CSMD2: variants seen among roughly 807,000 people sequenced by gnomAD.
The protein encoded by CSMD2 is CUB and Sushi multiple domains 2.
In CSMD2, 130 loss-of-function variants were observed where a neutral mutation model predicts 398.5. The observed-to-expected ratio is 0.33, with a 90% CI of 0.28 to 0.38. The LOEUF is 0.38. Ranked by LOEUF, CSMD2 falls within the 10% of genes least tolerant of loss-of-function variation. The probability of loss-of-function intolerance (pLI) is 1.00; values close to 1 mark genes in which losing one functional copy is unlikely to be tolerated. For missense variants in CSMD2, 3,829 were observed against 4,764.9 expected (o/e 0.80, Z 5.78); for synonymous variants, 1,828 against 1,908.5 (o/e 0.96, Z 1.10).
rs536733332 is a variant in CSMD2, at chr1:33,949,329, G to A, written c.518-13375C>T. On this transcript the variant is annotated intron_variant, in intron 3 of 70. Transcript: ENST00000373381. ...GCTGGAGCTGAAAAAGAGAGAAGCC[G>A]GGTACAGTGGCTGGGGAGGGCAGAT... Among the ~76,000 whole-genome samples, 26 of 152,306 alleles carry A rather than the reference G, an allele frequency of 1.7e-4. 1 individual carries two copies. The highest frequency in any genetic ancestry group is 5.1e-4 in the African/African-American group (21 of 41,568).
chr1:34,116,904 G>T (rs1029717712), intron 1 of CSMD2, among the ~76,000 whole-genome samples: 6 of 151,864 alleles, frequency 4.0e-5, no homozygotes, highest in Admixed American at 1.3e-4. Flanking sequence ...ATGGGTCAAA[G>T]AAAAAATCAC....
At chr1:33,991,574 G>A (rs997344862) in intron 3 of CSMD2, among the ~76,000 whole-genome samples, 3 of 152,132 alleles carry the variant, frequency 2.0e-5, no homozygotes, top group African/African-American at 2.4e-5. Context: ...CAGGATCAAA[G>A]TCAGCTTACT....
chr1:33,655,005 G>A (rs1395458892), intron 27 of CSMD2, among the ~76,000 whole-genome samples: 1 of 152,376 alleles, frequency 6.6e-6, no homozygotes, highest in South Asian at 2.1e-4. Context: ...TTCCCTGGCT[G>A]CTGCCAGTTG....
intron 3 of CSMD2, among the ~76,000 whole-genome samples, chr1:34,023,212 T>C (rs1361219634): frequency 2.6e-5 from 4 of 152,178 alleles, no homozygotes; most frequent in African/African-American, 9.6e-5. Flanking sequence ...CTCCCAAGCA[T>C]CCAATGAATC....
At chr1:33,864,731 G>C in intron 5 of CSMD2, 1 of 1,610,858 alleles carries the variant, frequency 6.2e-7, no homozygotes, top group African/African-American at 1.3e-5. Context: ...GGTGCAGAGG[G>C]AAAAGAGTCA....
At chr1:34,118,516 C>T (rs1368591341) in intron 1 of CSMD2, among the ~76,000 whole-genome samples, 2 of 152,180 alleles carry the variant, frequency 1.3e-5, no homozygotes, top group Non-Finnish European at 2.9e-5. Context: ...TCCACACGTA[C>T]ATACAAAACT....
At chr1:33,936,880 A>C (rs1444267858) in intron 3 of CSMD2, among the ~76,000 whole-genome samples, 2 of 152,160 alleles carry the variant, frequency 1.3e-5, no homozygotes, top group East Asian at 3.9e-4. Context: ...CTACCGTTTA[A>C]GTACCTCTCC....
chr1:33,772,762 G>A lies in CSMD2; in HGVS notation c.1664-11C>T. On this transcript the variant is annotated splice_polypyrimidine_tract_variant and intron_variant, in intron 12 of 70. Coordinates refer to ENST00000373381, the MANE Select transcript of CSMD2 (RefSeq NM_001281956.2). ...TGCCCTGCTCGATCTCTGAAAGACA[G>A]GAAGATGAGAAAACAGAGACAAAAG... 6.2e-7 allele frequency: 1 copy of A among 1,602,608 alleles called. No individual in the cohort carries two copies. The highest frequency in any genetic ancestry group is 1.1e-5 in the South Asian group (1 of 90,522).
At chr1:34,143,017 C>T (rs1021023498) in intron 1 of CSMD2, among the ~76,000 whole-genome samples, 7 of 152,150 alleles carry the variant, frequency 4.6e-5, no homozygotes, top group African/African-American at 1.7e-4. Flanking sequence ...GTGGTAACAA[C>T]AGTCCCAGCT....
rs373037653 is a variant in CSMD2, at chr1:33,944,397, G to C, written c.518-8443C>G. Among the ~76,000 whole-genome samples, 3 of 152,288 alleles carry C rather than the reference G, an allele frequency of 2.0e-5. No homozygotes were observed. The East Asian group carries it at 5.8e-4, about 29-fold the overall frequency. ...CAGGCAGGTGGCACTTGAAGATTGA[G>C]ACCTACATCAAATTTCCTTTTCCCT... On this transcript the variant is annotated intron_variant, in intron 3 of 70. Coordinates refer to ENST00000373381, the MANE Select transcript of CSMD2 (RefSeq NM_001281956.2).
At chr1:34,122,550 C>T (rs1258965314) in intron 1 of CSMD2, among the ~76,000 whole-genome samples, 1 of 152,116 alleles carries the variant, frequency 6.6e-6, no homozygotes, top group East Asian at 1.9e-4. Flanking sequence ...ATTTATCTCC[C>T]TCAGTGTTTT....
chr1:33,696,562 C>A (rs756658040), intron 24 of CSMD2, among the ~76,000 whole-genome samples: 1 of 152,018 alleles, frequency 6.6e-6, no homozygotes, highest in Admixed American at 6.5e-5. Context: ...ACTGGTTCCA[C>A]AAATAGAGGA....
intron 56 of CSMD2, 36 bp downstream of exon 56, chr1:33,550,141 C>A (rs1413692172): frequency 1.3e-6 from 2 of 1,596,654 alleles, no homozygotes; most frequent in African/African-American, 1.3e-5. Flanking sequence ...GTCAAGCATT[C>A]CACTGGAGCT....
intron 25 of CSMD2, among the ~76,000 whole-genome samples, chr1:33,676,087 T>C (rs1427015786): frequency 1.3e-5 from 2 of 152,176 alleles, no homozygotes; most frequent in East Asian, 1.9e-4. Flanking sequence ...CTATTCAACA[T>C]AGTGTTGGAA....
At chr1:33,558,549 AC>A (rs1223596769) in intron 54 of CSMD2, among the ~76,000 whole-genome samples, 1 of 152,148 alleles carries the variant, frequency 6.6e-6, no homozygotes, top group Non-Finnish European at 1.5e-5. Context: ...CCATTATCTT[AC>A]CTGAGTCTCA....
At chr1:33,923,081 CCTTAAA>C (rs1644003657) in intron 4 of CSMD2, among the ~76,000 whole-genome samples, 3 of 152,022 alleles carry the variant, frequency 2.0e-5, no homozygotes, top group Non-Finnish European at 4.4e-5. Flanking sequence ...TGGAGCACTC[CCTTAAA>C]AAATTTATTG....
intron 6 of CSMD2, among the ~76,000 whole-genome samples, chr1:33,837,049 G>A (rs749057328): frequency 2.0e-5 from 3 of 152,148 alleles, no homozygotes; most frequent in Non-Finnish European, 1.5e-5. Flanking sequence ...CAGATGCTGG[G>A]GTCTCAGTTT....
chr1:33,939,605 A>T (rs1644599213), intron 3 of CSMD2, among the ~76,000 whole-genome samples: 1 of 152,234 alleles, frequency 6.6e-6, no homozygotes, highest in South Asian at 2.1e-4. Context: ...CTTCGAAATT[A>T]ATGACTGGAA....
In CSMD2 at chr1:33,820,564, GCAAAAAAA is replaced by G; in HGVS notation, c.1112-16_1112-9del. On this transcript the variant is annotated splice_polypyrimidine_tract_variant and intron_variant, in intron 7 of 70. Coordinates refer to ENST00000373381, the MANE Select transcript of CSMD2 (RefSeq NM_001281956.2). ...ACACACCAACCTGAGTTACTACAAG[GCAAAAAAA>G]AAAAAAAAAAAAAAAACAGCACACA... is the stretch of plus-strand genomic sequence containing the variant. The G allele has an allele frequency of 2.1e-6, 1 of 479,432 alleles. No homozygotes were observed. The highest frequency in any genetic ancestry group is 3.0e-6 in the Non-Finnish European group (1 of 331,880). The allele number at this position is 479,432 out of a possible 1,614,324, so 29.7% of individuals were successfully genotyped here. A position where few individuals can be genotyped will look rare whatever the true frequency, so the allele number is the denominator to read the frequency against.
Sources: gnomAD v4.1 joint callset for allele counts (sites outside exome capture counted in the v4.1 genomes callset) on GRCh38, gnomAD v4.1.1 for gene constraint, MANE v1.5 for transcripts, NCBI Gene and HGNC (gene_info 2026-07-23, HGNC 2026-07-21) for gene names.